The following FMN1 variants were observed in gnomAD, a reference collection of about 807,000 sequenced individuals.
FMN1 encodes the protein formin-1.
A neutral mutation model predicts 132.4 loss-of-function variants in FMN1; 110 were observed. The observed-to-expected ratio is 0.83, with a 90% CI of 0.71 to 0.97. The LOEUF is 0.97. FMN1 is among the 50% of genes least tolerant of loss of function. FMN1 has a pLI of 0.00. For missense variants in FMN1, 1,792 were observed against 1,705.3 expected (o/e 1.05, Z -0.90); for synonymous variants, 722 against 651.7 (o/e 1.11, Z -1.64).
intron 3 of FMN1, among the ~76,000 whole-genome samples, chr15:33,177,305 G>C (rs1165419777): frequency 6.6e-6 from 1 of 152,014 alleles, no homozygotes; most frequent in African/African-American, 2.4e-5. Flanking sequence ...TCTTCTTTAG[G>C]TCATAGAATA....
intron 7 of FMN1, among the ~76,000 whole-genome samples, chr15:32,997,100 T>A (rs2033816284): frequency 6.6e-6 from 1 of 152,164 alleles, no homozygotes; most frequent in Non-Finnish European, 1.5e-5. Flanking sequence ...CTAAGATAAA[T>A]ACAGGCAAAC....
chr15:32,962,545 G>A (rs191889985), intron 9 of FMN1, among the ~76,000 whole-genome samples: 26 of 151,114 alleles, frequency 1.7e-4, no homozygotes, highest in Non-Finnish European at 3.2e-4. Context: ...TACCATTAGA[G>A]TGAACAGGCA....
At chr15:32,905,451 C>A (rs2060400234) in intron 12 of FMN1, among the ~76,000 whole-genome samples, 1 of 152,208 alleles carries the variant, frequency 6.6e-6, no homozygotes, top group Non-Finnish European at 1.5e-5. Context: ...TGTTCTCACC[C>A]TAGGCCATGA....
At chr15:32,969,604 A>G in intron 7 of FMN1, 127 bp from the exon 8 acceptor site, 1 of 1,090,344 alleles carries the variant, frequency 9.2e-7, no homozygotes, top group Non-Finnish European at 1.3e-6. Context: ...GGAAATACAG[A>G]GACATTCTTT....
chr15:33,091,117 A>G (rs2038886687), intron 4 of FMN1, among the ~76,000 whole-genome samples: 1 of 152,232 alleles, frequency 6.6e-6, no homozygotes, highest in Non-Finnish European at 1.5e-5. Flanking sequence ...AATATAAAAC[A>G]TAACATATAT....
chr15:32,836,151 GC>G (rs1280147501), intron 17 of FMN1, among the ~76,000 whole-genome samples: 2 of 152,088 alleles, frequency 1.3e-5, no homozygotes, highest in African/African-American at 4.8e-5. Context: ...GTGAGCGACT[GC>G]TCACAGCTGG....
intron 9 of FMN1, among the ~76,000 whole-genome samples, chr15:32,945,129 T>TTGC (rs1455500932): frequency 6.6e-6 from 1 of 152,180 alleles, no homozygotes; most frequent in Non-Finnish European, 1.5e-5. Context: ...GGTGATTATG[T>TTGC]TGCTGCTGGT....
intron 17 of FMN1, among the ~76,000 whole-genome samples, chr15:32,808,569 T>C (rs2057762311): frequency 6.6e-6 from 1 of 152,224 alleles, no homozygotes. Context: ...TGATACTTAT[T>C]AACTGGGTGA....
rs16959625 is a variant in FMN1 at position 32,840,872 on chromosome 15, G to A, written c.3928+16143C>T. ...TTAAATTCTAAACAGTGGGAGAATCGTTGTTTAAAGAAGAACAGATAATTG... is the reference window on the plus strand; with the variant it reads ...TTAAATTCTAAACAGTGGGAGAATCATTGTTTAAAGAAGAACAGATAATTG... On this transcript the variant is annotated intron_variant, in intron 17 of 20. Coordinates refer to ENST00000616417, the MANE Select transcript of FMN1 (RefSeq NM_001277313.2). 9.1e-3 allele frequency among the ~76,000 whole-genome samples: 1,383 copies of A among 152,266 alleles called. 62 individuals are homozygous for A. Among genetic ancestry groups the A allele is most frequent in the East Asian group, 0.062 (319 of 5,172 alleles).
In FMN1 at chr15:32,898,835, T is replaced by C; in HGVS notation, c.3713A>G (p.Gln1238Arg). 1.3e-6 allele frequency: 2 copies of C among 1,591,232 alleles called. No individual in the cohort carries two copies. Among genetic ancestry groups the C allele is most frequent in the Non-Finnish European group, 1.7e-6 (2 of 1,160,568 alleles). The part of the protein sequence containing the change: ...VVKYYLRYYD[Q>R]EAGTEKSVFP... The stretch of plus-strand genomic sequence containing the variant: ...TTTCCACGTAATACCATTTCTTACC[T>C]GATCATAGTAACGCAGGTAATACTT... The change falls in exon 15 of 21, where the codon CAG becomes CGG. Residue 1238 changes from glutamine to arginine, a missense_variant and splice_region_variant. Physicochemically the swap from Gln to Arg is conservative, Grantham distance 43. Around this residue, in one of 3 missense-constraint regions of FMN1, gnomAD observed 1,150 missense variants for 1,043.1 expected, o/e 1.10. Transcript: ENST00000616417.
At chr15:32,788,315 G>C (rs1172287741) in intron 19 of FMN1, among the ~76,000 whole-genome samples, 1 of 152,230 alleles carries the variant, frequency 6.6e-6, no homozygotes, top group Non-Finnish European at 1.5e-5. Flanking sequence ...CTGGGAGACA[G>C]TTTGAAAACT....
chr15:32,819,216 C>A (rs1203354445), intron 17 of FMN1, among the ~76,000 whole-genome samples: 3 of 142,718 alleles, frequency 2.1e-5, no homozygotes, highest in Non-Finnish European at 4.8e-5. Flanking sequence ...CCATGCAACC[C>A]CCTTCCCCCC....
chr15:33,052,106 T>C (rs2037001315), intron 6 of FMN1, among the ~76,000 whole-genome samples: 1 of 152,206 alleles, frequency 6.6e-6, no homozygotes, highest in Non-Finnish European at 1.5e-5. Flanking sequence ...ATAACCTTTC[T>C]GGACATCTAT....
At chr15:32,865,108 GGA>G (rs140525060) in intron 16 of FMN1, among the ~76,000 whole-genome samples, 2 of 151,720 alleles carry the variant, frequency 1.3e-5, no homozygotes, top group Non-Finnish European at 2.9e-5. Flanking sequence ...AGAGAAAGAG[GGA>G]GAGAGAGAGA....
intron 2 of FMN1, among the ~76,000 whole-genome samples, chr15:33,181,572 A>G (rs1194754164): frequency 2.0e-5 from 3 of 152,198 alleles, no homozygotes; most frequent in Non-Finnish European, 4.4e-5. Context: ...AACAGGTAGG[A>G]GTCAGATCAG....
chr15:32,928,009 A>T (rs1307965016), intron 9 of FMN1, among the ~76,000 whole-genome samples: 1 of 152,224 alleles, frequency 6.6e-6, no homozygotes, highest in Non-Finnish European at 1.5e-5. Flanking sequence ...GGACAACAAT[A>T]GTTTGTTCCA....
At chr15:32,846,289 C>T (rs925475919) in intron 17 of FMN1, among the ~76,000 whole-genome samples, 2 of 152,128 alleles carry the variant, frequency 1.3e-5, no homozygotes, top group Non-Finnish European at 2.9e-5. Context: ...TCAGAGTGAA[C>T]AGGCAACCTA....
chr15:32,936,740 G>T (rs2061282631), intron 9 of FMN1, among the ~76,000 whole-genome samples: 2 of 152,124 alleles, frequency 1.3e-5, no homozygotes, highest in African/African-American at 4.8e-5. Context: ...AAGAAAAGAA[G>T]ATGGGTGAAG....
At chr15:32,971,149 G>A (rs2031754879) in intron 7 of FMN1, among the ~76,000 whole-genome samples, 1 of 152,126 alleles carries the variant, frequency 6.6e-6, no homozygotes, top group Non-Finnish European at 1.5e-5. Context: ...GCCATCTCTA[G>A]GACTTTTATA....
Sources: allele counts gnomAD v4.1 joint callset (sites outside exome capture counted in the v4.1 genomes callset), GRCh38; gene constraint gnomAD v4.1.1; regional missense constraint gnomAD v4.1.1; transcripts MANE v1.5; gene names NCBI Gene and HGNC (gene_info 2026-07-23, HGNC 2026-07-21).